URI1: variants seen among roughly 807,000 people sequenced by gnomAD.
The protein encoded by URI1 is unconventional prefoldin RPB5 interactor 1.
In URI1, 39 loss-of-function variants were observed where a neutral mutation model predicts 60.2. That is an observed-to-expected ratio of 0.65 (90% CI 0.50 to 0.85). URI1 has a LOEUF of 0.85. URI1 is among the 40% of genes least tolerant of loss of function. URI1 has a pLI of 0.00. For synonymous variants in URI1, 251 were observed against 236.8 expected (o/e 1.06, Z -0.55); for missense variants, 691 against 665.9 (o/e 1.04, Z -0.42).
At position 29,944,147 on chromosome 19, in the gene URI1, A is replaced by G. The variant is rs1218723393; in HGVS notation, c.117+1483A>G. Among the ~76,000 whole-genome samples the G allele has an allele frequency of 6.6e-5, 2 of 30,314 alleles. 1 individual carries two copies. The highest frequency in any genetic ancestry group is 2.8e-3 in the South Asian group (2 of 718). 19.9% of individuals were successfully genotyped at this position (30,314 alleles called of 152,430 possible). ...GAGTGAGACCCTGTCATTCATATAT[A>G]TATATATATATATATATATATATAT... On this transcript the variant is annotated intron_variant, in intron 1 of 10. Transcript: ENST00000392271.
chr19:30,002,592 T>A lies in URI1; in HGVS notation c.368-2769T>A, dbSNP rs550355425. 1.6e-4 allele frequency among the ~76,000 whole-genome samples: 25 copies of A among 152,072 alleles called. No homozygotes were observed. The East Asian group carries it at 4.8e-3, about 29-fold the overall frequency. ...TCTATACTTCTGAAATCCTAGAAAA[T>A]TTAACTTCTGATTTTTAGTTAAAAT... On this transcript the variant is annotated intron_variant, in intron 4 of 10. Coordinates refer to ENST00000392271, the MANE Select transcript of URI1 (RefSeq NM_003796.3).
chr19:29,971,702 TAA>T (rs2055462004), intron 2 of URI1, among the ~76,000 whole-genome samples: 1 of 151,208 alleles, frequency 6.6e-6, no homozygotes, highest in African/African-American at 2.4e-5. Context: ...TTTTTTTTTT[TAA>T]GAGAGAGCAT....
intron 4 of URI1, 115 bp downstream of exon 4, chr19:29,986,532 T>C: frequency 7.7e-7 from 1 of 1,297,228 alleles, no homozygotes; most frequent in Non-Finnish European, 1.1e-6. Context: ...GAATCCAGGC[T>C]GTTTGTGATT....
intron 1 of URI1, among the ~76,000 whole-genome samples, chr19:29,967,076 C>A (rs2055400128): frequency 6.6e-6 from 1 of 152,146 alleles, no homozygotes; most frequent in Non-Finnish European, 1.5e-5. Context: ...ATAAATAGCA[C>A]AAATGAAAAT....
chr19:29,936,561 G>A (rs1022053487), intron 1 of URI1, among the ~76,000 whole-genome samples: 26 of 152,046 alleles, frequency 1.7e-4, no homozygotes, highest in African/African-American at 5.6e-4. Context: ...AGTTTCTCGC[G>A]CTTGTAATTT....
At chr19:29,947,752 A>G (rs767800342) in intron 1 of URI1, among the ~76,000 whole-genome samples, 10 of 152,200 alleles carry the variant, frequency 6.6e-5, no homozygotes, top group Non-Finnish European at 1.5e-4. Flanking sequence ...CTTGACTTGG[A>G]GCACTTACAG....
chr19:29,932,303 TATG>T (rs1377210054), intron 1 of URI1, among the ~76,000 whole-genome samples: 7 of 149,618 alleles, frequency 4.7e-5, no homozygotes, highest in Middle Eastern at 3.5e-3. Context: ...AGATGATGAT[TATG>T]ATGATGATGA....
intron 1 of URI1, among the ~76,000 whole-genome samples, chr19:29,926,245 TTCC>T (rs1568398900): frequency 2.9e-4 from 39 of 132,344 alleles, no homozygotes; most frequent in Non-Finnish European, 4.8e-4. Context: ...CCTTCCTTCC[TTCC>T]TTCCTTCCTT....
At chr19:30,011,538 T>C (rs1367352176) in intron 9 of URI1, among the ~76,000 whole-genome samples, 1 of 151,870 alleles carries the variant, frequency 6.6e-6, no homozygotes. Context: ...TCCAGTGGGC[T>C]AGGTCCCTAC....
At chr19:29,951,374 ATTAG>A (rs1480721987) in intron 1 of URI1, among the ~76,000 whole-genome samples, 5 of 152,236 alleles carry the variant, frequency 3.3e-5, no homozygotes, top group Middle Eastern at 3.4e-3. Context: ...CAATGTATTT[ATTAG>A]TTTATGTTTT....
intron 4 of URI1, among the ~76,000 whole-genome samples, chr19:29,990,164 T>C (rs903844391): frequency 2.0e-5 from 3 of 152,238 alleles, no homozygotes; most frequent in Non-Finnish European, 4.4e-5. Context: ...TTGAAATGAC[T>C]TTGCACCTTT....
At chr19:29,965,035 A>G (rs568601525) in intron 1 of URI1, among the ~76,000 whole-genome samples, 1 of 152,290 alleles carries the variant, frequency 6.6e-6, no homozygotes, top group East Asian at 1.9e-4. Context: ...GTAAGAAGTC[A>G]GGAGGGAGTC....
At chr19:29,965,221 C>T (rs538655437) in intron 1 of URI1, among the ~76,000 whole-genome samples, 2 of 152,184 alleles carry the variant, frequency 1.3e-5, no homozygotes, top group Non-Finnish European at 2.9e-5. Flanking sequence ...TGAGGTTGGT[C>T]CAGTTAGCAG....
chr19:29,956,181 A>G (rs2145272131), intron 1 of URI1, among the ~76,000 whole-genome samples: 1 of 149,274 alleles, frequency 6.7e-6, no homozygotes, highest in South Asian at 2.1e-4. Context: ...GATGAGCGCC[A>G]TGTTGGTCAG....
upstream of URI1, among the ~76,000 whole-genome samples, chr19:29,941,441 G>A (rs763608330): frequency 2.6e-5 from 4 of 151,938 alleles, no homozygotes; most frequent in Non-Finnish European, 5.9e-5. Context: ...GGCAACATAG[G>A]GAGACCCCGC....
At chr19:29,942,078 A>G (rs2145219426), upstream of URI1, among the ~76,000 whole-genome samples, 1 of 151,014 alleles carries the variant, frequency 6.6e-6, no homozygotes, top group African/African-American at 2.4e-5. Flanking sequence ...ATAAAATGTA[A>G]GCTTCCAGAG....
intron 1 of URI1, among the ~76,000 whole-genome samples, chr19:29,962,971 C>CT (rs1296535865): frequency 6.6e-6 from 1 of 152,208 alleles, no homozygotes; most frequent in African/African-American, 2.4e-5. Flanking sequence ...AGCTCTAGCT[C>CT]TAAGTCTTGT....
At chr19:29,997,079 A>T (rs1463845373) in intron 4 of URI1, among the ~76,000 whole-genome samples, 1 of 152,042 alleles carries the variant, frequency 6.6e-6, no homozygotes, top group African/African-American at 2.4e-5. Flanking sequence ...TCATATTTTT[A>T]TCTGGCTGGC....
At chr19:29,944,968 C>G (rs544613842) in intron 1 of URI1, among the ~76,000 whole-genome samples, 2 of 152,286 alleles carry the variant, frequency 1.3e-5, no homozygotes, top group South Asian at 4.1e-4. Context: ...ACAGTGAGTT[C>G]TAGTAAAGTA....
Sources: gnomAD v4.1 joint callset for allele counts (sites outside exome capture counted in the v4.1 genomes callset) on GRCh38, gnomAD v4.1.1 for gene constraint, MANE v1.5 for transcripts, NCBI Gene and HGNC (gene_info 2026-07-23, HGNC 2026-07-21) for gene names.